ABAT: variants seen among roughly 807,000 people sequenced by gnomAD.
The protein encoded by ABAT is 4-aminobutyrate aminotransferase.
Under a neutral mutation model 64.6 loss-of-function variants are expected in ABAT, and 45 were observed. The ratio of observed to expected loss-of-function variants is 0.70; its 90% CI spans 0.55 to 0.89. The LOEUF (loss-of-function observed/expected upper bound fraction) is 0.89, where lower values mean the gene tolerates loss of function less well. Among genes scored for constraint, ABAT ranks in the 40% least tolerant of loss-of-function variants. The pLI is 0.00. For synonymous variants in ABAT, 297 were observed against 250.5 expected (o/e 1.19, Z -1.75); for missense variants, 633 against 658.4 (o/e 0.96, Z 0.42).
chr16:8,693,875 A>G (rs1238624093), intron 1 of ABAT, among the ~76,000 whole-genome samples: 1 of 151,898 alleles, frequency 6.6e-6, no homozygotes, highest in Non-Finnish European at 1.5e-5. Flanking sequence ...ACACACAGTC[A>G]TAAGAAATGA....
intron 2 of ABAT, among the ~76,000 whole-genome samples, chr16:8,738,063 G>C (rs947858153): frequency 6.7e-6 from 1 of 149,024 alleles, no homozygotes; most frequent in African/African-American, 2.5e-5. Flanking sequence ...GCTCACAGCT[G>C]TAACCCCAGC....
intron 5 of ABAT, chr16:8,757,324 C>T (rs1192221301): frequency 2.5e-5 from 9 of 362,950 alleles, no homozygotes; most frequent in East Asian, 2.2e-4. Flanking sequence ...CGTGCTACCT[C>T]GCCCGGCTAA....
At chr16:8,769,316 C>T (rs1221744548) in intron 11 of ABAT, among the ~76,000 whole-genome samples, 3 of 152,060 alleles carry the variant, frequency 2.0e-5, no homozygotes, top group African/African-American at 7.2e-5. Flanking sequence ...CCTGTAATCC[C>T]AGCACTTTGG....
chr16:8,686,992 G>A (rs1174670600), intron 1 of ABAT, among the ~76,000 whole-genome samples: 2 of 152,182 alleles, frequency 1.3e-5, no homozygotes, highest in Non-Finnish European at 2.9e-5. Context: ...GTGCAGAGTG[G>A]CCTTGGATGG....
chr16:8,691,730 C>G (rs750102702), intron 1 of ABAT, among the ~76,000 whole-genome samples: 42 of 152,118 alleles, frequency 2.8e-4, no homozygotes, highest in Admixed American at 5.2e-4. Context: ...TGTGAGCCAC[C>G]GCGCCCAGTG....
At chr16:8,740,197 C>T (rs2142503075) in intron 2 of ABAT, among the ~76,000 whole-genome samples, 2 of 152,242 alleles carry the variant, frequency 1.3e-5, no homozygotes, top group Middle Eastern at 3.4e-3. Flanking sequence ...GCTCCAGGAC[C>T]CGAGCCACTG....
chr16:8,764,802 C>G lies in ABAT; in HGVS notation c.512C>G (p.Ala171Gly). Reference protein sequence around the residue: ...MACGSCSNENALKTIFMWYRS... With the variant: ...MACGSCSNENGLKTIFMWYRS... ...TGCGGCTCCTGCTCCAATGAAAACG[C>G]CTTAAAGACCATCTTCATGTGGTAC... The change falls in exon 8 of 16, where the codon GCC becomes GGC. Residue 171 changes from alanine to glycine, a missense_variant. Physicochemically the swap from Ala to Gly is moderately conservative, Grantham distance 60. Coordinates refer to ENST00000268251, the MANE Select transcript of ABAT (RefSeq NM_020686.6). The surrounding 1 kb of genome is among the most constrained non-coding windows in gnomAD (Gnocchi z 4.2). The G allele has an allele frequency of 6.2e-7, 1 of 1,614,046 alleles. No individual in the cohort carries two copies. The highest frequency in any genetic ancestry group is 1.6e-4 in the Middle Eastern group (1 of 6,062).
intron 2 of ABAT, among the ~76,000 whole-genome samples, chr16:8,737,742 G>A (rs1191950119): frequency 1.4e-5 from 2 of 146,614 alleles, no homozygotes; most frequent in African/African-American, 5.0e-5. Context: ...GGGCAACATG[G>A]TGAAACCTCA....
chr16:8,743,671 G>A lies in ABAT; in HGVS notation c.71-2330G>A, dbSNP rs372702902. 8.6e-4 allele frequency among the ~76,000 whole-genome samples: 58 copies of A among 67,136 alleles called. No individual in the cohort carries two copies. In the East Asian group the frequency reaches 0.02, roughly 23 times the overall value. 44.0% of individuals were successfully genotyped at this position (67,136 alleles called of 152,430 possible). A position where few individuals can be genotyped will look rare whatever the true frequency, so the allele number is the denominator to read the frequency against. On this transcript the variant is annotated intron_variant, in intron 2 of 15. Transcript: ENST00000268251. ...ATAATATATATTTTAGTTATAATAT[G>A]TTATATATTTTAGTTATAATATATA...
At chr16:8,777,971 GCACATAAGTGTCTAA>G (rs1330319619) in intron 14 of ABAT, among the ~76,000 whole-genome samples, 1 of 151,954 alleles carries the variant, frequency 6.6e-6, no homozygotes, top group Non-Finnish European at 1.5e-5. Context: ...AACAAATTGT[GCACATAAGTGTCTAA>G]CACGGTGCCC....
chr16:8,770,005 G>A (rs1009280093), intron 11 of ABAT, among the ~76,000 whole-genome samples: 9 of 152,098 alleles, frequency 5.9e-5, no homozygotes, highest in African/African-American at 1.9e-4. Context: ...CAAGATAATG[G>A]CATCAAGTAC....
intron 1 of ABAT, among the ~76,000 whole-genome samples, chr16:8,681,576 AGAAATAGTTAGGTTGAAATGAGGT>A (rs1391934708): frequency 2.7e-5 from 4 of 148,950 alleles, no homozygotes; most frequent in African/African-American, 1.0e-4. Context: ...GAGACTTTGC[AGAAATAGTTAGGTTGAAATGAGGT>A]CTTTCTGCAT....
chr16:8,729,903 C>T (rs954353213), intron 1 of ABAT, among the ~76,000 whole-genome samples: 3 of 151,390 alleles, frequency 2.0e-5, no homozygotes, highest in East Asian at 1.9e-4. Flanking sequence ...GACTCTGGCC[C>T]AGCCCTGTCT....
intron 6 of ABAT, among the ~76,000 whole-genome samples, chr16:8,760,707 A>G (rs1304321752): frequency 6.6e-6 from 1 of 152,254 alleles, no homozygotes; most frequent in Non-Finnish European, 1.5e-5. Flanking sequence ...TGTGTCAACA[A>G]ACACATCAGA....
Position 8,781,689 on chromosome 16 carries a change from G to A in ABAT, c.*259G>A, listed in dbSNP as rs886052433. Reference sequence around the variant, plus strand: ...CTGCTTGAGCCCTGGACTCATCTTGGGAAGGGCCATGGGAGGTCCTGGCTA... The same window carrying A: ...CTGCTTGAGCCCTGGACTCATCTTGAGAAGGGCCATGGGAGGTCCTGGCTA... On this transcript the variant is annotated 3_prime_UTR_variant, in exon 16 of 16. Transcript: ENST00000268251. This position sits in a 1 kb window ranked among gnomAD's most constrained non-coding sequence, Gnocchi z 4.5. The A allele has an allele frequency of 3.6e-6, 2 of 557,228 alleles. No homozygotes were observed. The highest frequency in any genetic ancestry group is 3.2e-6 in the Non-Finnish European group (1 of 311,018). 34.5% of individuals were successfully genotyped at this position (557,228 alleles called of 1,614,324 possible).
intron 4 of ABAT, 33 bp downstream of exon 4, chr16:8,748,170 G>A (rs1179957780): frequency 1.2e-6 from 2 of 1,601,402 alleles, no homozygotes; most frequent in Admixed American, 1.7e-5. Context: ...TCCTTCTGTT[G>A]CTTCTTTATC....
Position 8,776,230 on chromosome 16 carries a change from C to T in ABAT, c.1123-114C>T. On this transcript the variant is annotated intron_variant, in intron 13 of 15. Coordinates refer to ENST00000268251, the MANE Select transcript of ABAT (RefSeq NM_020686.6). The surrounding 1 kb of genome is among the most constrained non-coding windows in gnomAD (Gnocchi z 4.4). ...TTCCCCTGCCAGCCTCTGGTAGATG[C>T]CCACTAGATTAGTTTCTCTCCTCTT... The T allele has an allele frequency of 1.4e-6, 2 of 1,415,794 alleles. No homozygotes were observed. Among genetic ancestry groups the T allele is most frequent in the Non-Finnish European group, 2.0e-6 (2 of 1,012,006 alleles). 87.7% of individuals were successfully genotyped at this position (1,415,794 alleles called of 1,614,324 possible). A position where few individuals can be genotyped will look rare whatever the true frequency, so the allele number is the denominator to read the frequency against.
chr16:8,748,428 T>C (rs2059391674), intron 4 of ABAT, among the ~76,000 whole-genome samples: 1 of 152,248 alleles, frequency 6.6e-6, no homozygotes, highest in Non-Finnish European at 1.5e-5. Context: ...GTTAAATTTA[T>C]TGAGCCTTTT....
chr16:8,711,503 T>A (rs1162272356), intron 1 of ABAT, among the ~76,000 whole-genome samples: 4 of 152,192 alleles, frequency 2.6e-5, no homozygotes, highest in Non-Finnish European at 5.9e-5. Context: ...GGTCTGTTAA[T>A]GGAGATGCTC....
Sources: gnomAD v4.1 joint callset for allele counts (sites outside exome capture counted in the v4.1 genomes callset) on GRCh38, gnomAD v4.1.1 for gene constraint, Gnocchi (gnomAD v3.1) non-coding constraint, MANE v1.5 for transcripts, NCBI Gene and HGNC (gene_info 2026-07-23, HGNC 2026-07-21) for gene names.